Variants in KDM5A observed in about 807,000 individuals in gnomAD.
KDM5A encodes the protein lysine-specific demethylase 5A.
Under a neutral mutation model 193.5 loss-of-function variants are expected in KDM5A, and 42 were observed. The observed-to-expected ratio is 0.22, with a 90% confidence interval of 0.17 to 0.28. KDM5A has a LOEUF of 0.28. Among genes scored for constraint, KDM5A ranks in the 10% least tolerant of loss-of-function variants. The pLI is 1.00. For synonymous variants in KDM5A, 796 were observed against 718.1 expected, an observed-to-expected ratio of 1.11 and a Z score of -1.73; for missense variants, 1,692 against 2,055.1, an observed-to-expected ratio of 0.82 and a Z score of 3.42.
intron 3 of KDM5A, among the ~76,000 whole-genome samples, chr12:380,402 G>A (rs1256673862): frequency 2.6e-5 from 4 of 151,822 alleles, no homozygotes; most frequent in Non-Finnish European, 5.9e-5. Context: ...ATTCCTTAGG[G>A]TATTTATGAA....
chr12:360,474 T>A (rs1221155971), intron 5 of KDM5A, among the ~76,000 whole-genome samples: 5 of 151,948 alleles, frequency 3.3e-5, no homozygotes, highest in East Asian at 1.9e-4. Flanking sequence ...ATCACACAAA[T>A]GAAAGAAAAA....
rs1555127758 is a variant in KDM5A at position 304,464 on chromosome 12, T to TTTC, written c.4074+2479_4074+2481dup. Reference sequence around the variant, plus strand: ...GTATAGGCTTTTTTTTTTTTTTTTTTTTCATTCAAAGATATCAACATCAAA... The same window carrying TTTC: ...GTATAGGCTTTTTTTTTTTTTTTTTTTTCTTCATTCAAAGATATCAACATCAAA... On this transcript the variant is annotated intron_variant, in intron 24 of 27. Transcript: ENST00000399788. 2.5e-3 allele frequency among the ~76,000 whole-genome samples: 360 copies of TTTC among 142,562 alleles called. 1 individual carries two copies. The highest frequency in any genetic ancestry group is 8.6e-3 in the African/African-American group (340 of 39,558). 93.5% of individuals were successfully genotyped at this position (142,562 alleles called of 152,430 possible).
intron 3 of KDM5A, among the ~76,000 whole-genome samples, chr12:375,533 G>T (rs1944491475): frequency 6.6e-6 from 1 of 152,158 alleles, no homozygotes; most frequent in Non-Finnish European, 1.5e-5. Flanking sequence ...TCCTCCTTTA[G>T]CTCGGAGAAG....
chr12:346,619 A>T (rs1016975159), intron 10 of KDM5A, among the ~76,000 whole-genome samples: 5 of 152,232 alleles, frequency 3.3e-5, no homozygotes, highest in Admixed American at 6.5e-5. Flanking sequence ...AACATACTCA[A>T]ATCGATAAAC....
intron 24 of KDM5A, among the ~76,000 whole-genome samples, chr12:304,328 C>T (rs1349247034): frequency 6.6e-6 from 1 of 151,706 alleles, no homozygotes; most frequent in African/African-American, 2.4e-5. Flanking sequence ...TTTATGGTCA[C>T]AACAGAGGAC....
rs554529727 is a variant in KDM5A at position 349,646 on chromosome 12, G to C, written c.1308+975C>G. 1.7e-4 allele frequency among the ~76,000 whole-genome samples: 25 copies of C among 151,262 alleles called. 1 individual carries two copies. The South Asian group carries it at 5.2e-3, about 32-fold the overall frequency. ...CCCATCCTGGATTTTATAACAGAAA[G>C]AACTAGGCAAAAATATTAAACTGGA... is the stretch of plus-strand genomic sequence containing the variant. On this transcript the variant is annotated intron_variant, in intron 10 of 27. Transcript: ENST00000399788.
chr12:286,047 A>C, intron 27 of KDM5A: 1 of 412,838 alleles, frequency 2.4e-6, no homozygotes, highest in Non-Finnish European at 4.7e-6. Context: ...AGAAAGGAAG[A>C]GTACAACAAT....
At position 281,480 on chromosome 12, in the gene KDM5A, C is replaced by G. The variant is rs1158523491; in HGVS notation, c.*3976G>C. 2 of 232,956 alleles carry G rather than the reference C, an allele frequency of 8.6e-6. No homozygotes were observed. The highest frequency in any genetic ancestry group is 1.7e-5 in the Non-Finnish European group (2 of 118,012). 14.4% of individuals were successfully genotyped at this position (232,956 alleles called of 1,614,324 possible). A position where few individuals can be genotyped will look rare whatever the true frequency, so the allele number is the denominator to read the frequency against. On this transcript the variant is annotated 3_prime_UTR_variant, in exon 28 of 28. Coordinates refer to ENST00000399788, the MANE Select transcript of KDM5A (RefSeq NM_001042603.3). Reference sequence around the variant, plus strand: ...ACATTAACAGCCATTCTTCCTCATACTACAGTAGGAGATACCACTTGGGAC... The same window carrying G: ...ACATTAACAGCCATTCTTCCTCATAGTACAGTAGGAGATACCACTTGGGAC...
intron 3 of KDM5A, among the ~76,000 whole-genome samples, chr12:374,326 C>A (rs1350706383): frequency 6.6e-6 from 1 of 152,098 alleles, no homozygotes; most frequent in African/African-American, 2.4e-5. Flanking sequence ...ATCCCTTTAC[C>A]ATTATGTAAT....
chr12:331,959 G>A lies in KDM5A; in HGVS notation c.1654-21C>T, dbSNP rs756954521. The A allele has an allele frequency of 1.2e-5, 19 of 1,610,814 alleles. No homozygotes were observed. In the African/African-American group the frequency reaches 2.5e-4, roughly 22 times the overall value. On this transcript the variant is annotated intron_variant, in intron 12 of 27. Coordinates refer to ENST00000399788, the MANE Select transcript of KDM5A (RefSeq NM_001042603.3). ...TACACCTAAATGCAAATTGGGAACA[G>A]GGATACAAAAATAAAAAATAAAAAT...
intron 5 of KDM5A, among the ~76,000 whole-genome samples, chr12:356,813 C>T (rs956777337): frequency 6.6e-6 from 1 of 152,190 alleles, no homozygotes; most frequent in African/African-American, 2.4e-5. Context: ...GGTTATCACA[C>T]AATAGAAATC....
chr12:283,325 T>A lies in KDM5A; in HGVS notation c.*2131A>T, dbSNP rs1943178112. The A allele has an allele frequency of 4.3e-6, 1 of 232,016 alleles. No individual in the cohort carries two copies. The highest frequency in any genetic ancestry group is 2.2e-5 in the African/African-American group (1 of 45,270). The allele number at this position is 232,016 out of a possible 1,614,324, so 14.4% of individuals were successfully genotyped here. A position where few individuals can be genotyped will look rare whatever the true frequency, so the allele number is the denominator to read the frequency against. ...TCGTTAGCTTGGCAAAACGAAAACT[T>A]ATGAAATCAGTTAATTAGTTACCTT... On this transcript the variant is annotated 3_prime_UTR_variant, in exon 28 of 28. Coordinates refer to ENST00000399788, the MANE Select transcript of KDM5A (RefSeq NM_001042603.3).
intron 1 of KDM5A, chr12:388,424 G>A (rs1309068870): frequency 2.5e-6 from 1 of 407,662 alleles, no homozygotes; most frequent in Non-Finnish European, 4.9e-6. Context: ...TCCCCGCTAA[G>A]ACTTTTTCAC....
chr12:336,358 T>TAA (rs61128182), intron 10 of KDM5A, among the ~76,000 whole-genome samples: 17 of 72,522 alleles, frequency 2.3e-4, no homozygotes, highest in African/African-American at 6.6e-4. Context: ...CCTGTCTCAC[T>TAA]AAAAAAAAAA....
intron 9 of KDM5A, among the ~76,000 whole-genome samples, chr12:351,083 T>G (rs1162113512): frequency 1.3e-5 from 2 of 152,210 alleles, no homozygotes; most frequent in African/African-American, 4.8e-5. Context: ...ACAGCAAGAT[T>G]AAATTTTTTT....
chr12:311,138 A>G (rs1943580661), intron 20 of KDM5A, 74 bp from the exon 21 acceptor site: 2 of 1,353,592 alleles, frequency 1.5e-6, no homozygotes, highest in East Asian at 4.6e-5. Context: ...GAAAGACCTT[A>G]CAAAGTTTAG....
At chr12:374,239 G>T (rs1479510190) in intron 3 of KDM5A, among the ~76,000 whole-genome samples, 1 of 152,162 alleles carries the variant, frequency 6.6e-6, no homozygotes, top group African/African-American at 2.4e-5. Context: ...GGTCTCTAAG[G>T]ACTTGCTTTA....
At chr12:386,116 G>A (rs1168871241) in intron 1 of KDM5A, 142 bp from the exon 2 acceptor site, 6 of 648,318 alleles carry the variant, frequency 9.3e-6, no homozygotes, top group East Asian at 2.8e-5. Flanking sequence ...GAGACAGAAT[G>A]AGCAATTCTT....
In KDM5A at chr12:323,615, T is replaced by C. The variant is rs1943749058; in HGVS notation, c.2135A>G (p.Gln712Arg). The C allele has an allele frequency of 1.2e-6, 2 of 1,614,166 alleles. No homozygotes were observed. Among genetic ancestry groups the C allele is most frequent in the African/African-American group, 2.7e-5 (2 of 75,060 alleles). ...TTTTGGATACCTAAGACATTTCTTC[T>C]GCATGGGGCAGGGGCACAGATCAGT... ...HPTDLCPCPM[Q>R]KKCLRYRYPL... Residue 712 changes from glutamine to arginine, a missense_variant, in exon 15 of 28, where the codon CAG becomes CGG. Around this residue, in one of 11 missense-constraint regions of KDM5A, gnomAD observed 88 missense variants for 124.6 expected, o/e 0.71. Transcript: ENST00000399788.
Sources: allele counts gnomAD v4.1 joint callset (sites outside exome capture counted in the v4.1 genomes callset), GRCh38; gene constraint gnomAD v4.1.1; regional missense constraint gnomAD v4.1.1; transcripts MANE v1.5; gene names NCBI Gene and HGNC (gene_info 2026-07-23, HGNC 2026-07-21).